Variants in PADI3 observed in about 807,000 individuals in gnomAD.
PADI3 encodes protein-arginine deiminase type-3.
A neutral mutation model predicts 71.5 loss-of-function variants in PADI3; 53 were observed. The observed-to-expected ratio is 0.74, with a 90% CI of 0.59 to 0.93. The LOEUF is 0.93. Ranked by LOEUF, PADI3 falls within the 40% of genes least tolerant of loss-of-function variation. The probability of loss-of-function intolerance (pLI) is 0.00; values close to 1 mark genes in which losing one functional copy is unlikely to be tolerated. For missense variants in PADI3, 821 were observed against 868.0 expected, an observed-to-expected ratio of 0.95 and a Z score of 0.68; for synonymous variants, 361 against 347.5, an observed-to-expected ratio of 1.04 and a Z score of -0.43.
intron 1 of PADI3, among the ~76,000 whole-genome samples, chr1:17,250,068 G>A (rs2072946835): frequency 6.6e-6 from 1 of 152,220 alleles, no homozygotes; most frequent in Admixed American, 6.5e-5. Context: ...AGGAAGAAAA[G>A]AGGGTTAGGG....
chr1:17,260,772 G>A (rs2073093107), intron 2 of PADI3, among the ~76,000 whole-genome samples: 1 of 152,194 alleles, frequency 6.6e-6, no homozygotes, highest in African/African-American at 2.4e-5. Context: ...ACATGATCTA[G>A]CGAGCGGCAG....
At position 17,282,960 on chromosome 1, in the gene PADI3, C is replaced by T. The variant is rs777002286; in HGVS notation, c.1876C>T (p.Leu626Phe). The change falls in exon 16 of 16, where the codon CTC becomes TTC. Residue 626 changes from leucine (L) to phenylalanine (F), a missense_variant. Transcript: ENST00000375460. ...GCGGTCCCTGCTGGAGCCGCTGGGCCTCCACTGCACCTTCATTGATGACTT... is the reference window on the plus strand; with the variant it reads ...GCGGTCCCTGCTGGAGCCGCTGGGCTTCCACTGCACCTTCATTGATGACTT... ...KVRSLLEPLG[L>F]HCTFIDDFTP... 8.1e-6 allele frequency: 13 copies of T among 1,614,212 alleles called. No individual in the cohort carries two copies. The Admixed American group carries it at 2.2e-4, about 27-fold the overall frequency.
intron 6 of PADI3, among the ~76,000 whole-genome samples, chr1:17,268,642 T>C (rs922636829): frequency 1.3e-5 from 2 of 151,154 alleles, no homozygotes; most frequent in Non-Finnish European, 2.9e-5. Context: ...CAAGTAGCTG[T>C]GACTGCAGGC....
intron 1 of PADI3, among the ~76,000 whole-genome samples, chr1:17,258,012 A>G (rs962109942): frequency 1.3e-5 from 2 of 152,210 alleles, no homozygotes; most frequent in African/African-American, 4.8e-5. Flanking sequence ...GAGGAGCCAC[A>G]TGGCTGGGTT....
chr1:17,263,004 T>C (rs1389755950), intron 3 of PADI3, among the ~76,000 whole-genome samples: 2 of 152,228 alleles, frequency 1.3e-5, no homozygotes, highest in East Asian at 3.9e-4. Context: ...AACCTCCGCC[T>C]CCTGGGTTCA....
Position 17,259,584 on chromosome 1 carries a change from G to A in PADI3, c.99G>A (p.Val33=), listed in dbSNP as rs761047531. Residue 33 remains valine, a synonymous_variant, in exon 2 of 16, where the codon GTG becomes GTA. Transcript: ENST00000375460. ...GGCTCTCTGCCCTGCCCAGGTCAGT[G>A]CCTGAGGGCACAGAAATGTTTGAGG... is the stretch of plus-strand genomic sequence containing the variant. ...VETLVDIYGS[V]PEGTEMFEVY... 6.2e-7 allele frequency: 1 copy of A among 1,606,778 alleles called. No homozygotes were observed. Among genetic ancestry groups the A allele is most frequent in the Non-Finnish European group, 8.5e-7 (1 of 1,175,628 alleles).
rs770046463 is a variant in PADI3, at chr1:17,259,733, C to A, written c.248C>A (p.Pro83His). 3 of 1,608,500 alleles carry A rather than the reference C, an allele frequency of 1.9e-6. No individual in the cohort carries two copies. Among genetic ancestry groups the A allele is most frequent in the Non-Finnish European group, 1.7e-6 (2 of 1,176,140 alleles). Residue 83 changes from proline to histidine, a missense_variant, in exon 2 of 16, where the codon CCC (proline) becomes CAC (histidine). Physicochemically the swap from Pro to His is moderately conservative, Grantham distance 77 (BLOSUM62 -2). Transcript: ENST00000375460. ...TLEIIVVMNS[P>H]SNDLNDSHVQ... ...GAGATCATCGTGGTCATGAACTCCC[C>A]CAGCAATGACCTCAACGACAGCCAT...
rs760743291 is a variant in PADI3 at position 17,265,612 on chromosome 1, G to A, written c.347-47G>A. The A allele has an allele frequency of 1.9e-6, 3 of 1,562,234 alleles. No individual in the cohort carries two copies. The Admixed American group carries it at 5.0e-5, about 26-fold the overall frequency. Reference sequence around the variant, plus strand: ...AGCCCTGAGATCAAGGCCTGCCCTGGGCTCCTGGGAACCTTGTAGTGACTT... The same window carrying A: ...AGCCCTGAGATCAAGGCCTGCCCTGAGCTCCTGGGAACCTTGTAGTGACTT... On this transcript the variant is annotated intron_variant, in intron 3 of 15. Coordinates refer to ENST00000375460, the MANE Select transcript of PADI3 (RefSeq NM_016233.2).
intron 1 of PADI3, among the ~76,000 whole-genome samples, chr1:17,250,335 C>T (rs1322840390): frequency 1.3e-5 from 2 of 152,292 alleles, no homozygotes; most frequent in Middle Eastern, 3.4e-3. Context: ...GCATTCTGGG[C>T]CTCTCTTTGC....
At position 17,259,691 on chromosome 1, in the gene PADI3, G is replaced by A. The variant is rs150292444; in HGVS notation, c.206G>A (p.Arg69His). ...GRERADTRRWRFDATLEIIVV... is the reference protein window; with the variant it reads ...GRERADTRRWHFDATLEIIVV... ...GAGCGTGCAGACACCAGGCGGTGGC[G>A]CTTTGACGCGACTTTGGAGATCATC... Residue 69 changes from arginine (R) to histidine (H), a missense_variant, in exon 2 of 16, where the codon CGC becomes CAC. By Grantham distance (29) the Arg-to-His change is conservative. Transcript: ENST00000375460. 1.7e-5 allele frequency: 27 copies of A among 1,613,376 alleles called. No individual in the cohort carries two copies. Among genetic ancestry groups the A allele is most frequent in the Non-Finnish European group, 2.1e-5 (25 of 1,179,578 alleles).
chr1:17,271,948 G>A (rs142631177), intron 9 of PADI3, among the ~76,000 whole-genome samples: 7 of 151,980 alleles, frequency 4.6e-5, no homozygotes, highest in African/African-American at 1.7e-4. Flanking sequence ...CATCACCTCT[G>A]CCCAGGGAAT....
chr1:17,268,064 C>G (rs750871695), intron 6 of PADI3, 102 bp downstream of exon 6: 384 of 1,391,876 alleles, frequency 2.8e-4, no homozygotes, highest in Non-Finnish European at 3.7e-4. Flanking sequence ...GTCCTGCTTA[C>G]ACTCCGGGAG....
intron 1 of PADI3, among the ~76,000 whole-genome samples, chr1:17,249,478 G>A (rs1213026298): frequency 1.3e-5 from 2 of 152,154 alleles, no homozygotes; most frequent in Admixed American, 6.5e-5. Context: ...CCAGACCGGG[G>A]GCTTGGAGGG....
chr1:17,282,172 G>T (rs1018657893), intron 15 of PADI3, among the ~76,000 whole-genome samples: 10 of 152,148 alleles, frequency 6.6e-5, no homozygotes, highest in East Asian at 1.9e-4. Context: ...CAATGATTCA[G>T]GTTCTTGTGT....
Position 17,267,855 on chromosome 1 carries a change from T to C in PADI3, c.545T>C (p.Val182Ala). 1 of 1,614,002 alleles carries C rather than the reference T, an allele frequency of 6.2e-7. No individual in the cohort carries two copies. Among genetic ancestry groups the C allele is most frequent in the Non-Finnish European group, 8.5e-7 (1 of 1,180,034 alleles). The change falls in exon 6 of 16, where the codon GTC becomes GCC. Residue 182 changes from valine to alanine, a missense_variant. By Grantham distance (64) the Val-to-Ala change is moderately conservative. Transcript: ENST00000375460. ...HCLQDLEDMS[V>A]MVLRTQGPAA... ...TTCACAGACCTGGAAGACATGTCTG[T>C]CATGGTCCTGCGGACGCAGGGCCCT...
chr1:17,252,616 C>A (rs2100553802), intron 1 of PADI3, among the ~76,000 whole-genome samples: 1 of 152,272 alleles, frequency 6.6e-6, no homozygotes, highest in African/African-American at 2.4e-5. Flanking sequence ...GTTGCCCGGG[C>A]TGGTCTTGAA....
intron 13 of PADI3, 59 bp downstream of exon 13, chr1:17,276,935 C>T: frequency 7.0e-7 from 1 of 1,421,006 alleles, no homozygotes. Flanking sequence ...CAAATTAAGA[C>T]ACATCATGGC....
At chr1:17,281,933 C>A (rs2073406020) in intron 15 of PADI3, among the ~76,000 whole-genome samples, 1 of 152,196 alleles carries the variant, frequency 6.6e-6, no homozygotes, top group African/African-American at 2.4e-5. Context: ...CTATAGGTCA[C>A]CCAGCTCCCC....
chr1:17,272,385 G>A (rs2073267180), intron 9 of PADI3, among the ~76,000 whole-genome samples: 1 of 152,194 alleles, frequency 6.6e-6, no homozygotes, highest in African/African-American at 2.4e-5. Flanking sequence ...GAGGGTTTGG[G>A]GCAGGACTCT....
Sources: allele counts gnomAD v4.1 joint callset (sites outside exome capture counted in the v4.1 genomes callset), GRCh38; gene constraint gnomAD v4.1.1; transcripts MANE v1.5; gene names NCBI Gene and HGNC (gene_info 2026-07-23, HGNC 2026-07-21).